The following ZDHHC15 variants were observed in gnomAD, a reference collection of about 807,000 sequenced individuals.
The protein encoded by ZDHHC15 is palmitoyltransferase ZDHHC15.
A neutral mutation model predicts 31.7 loss-of-function variants in ZDHHC15; 19 were observed. The observed-to-expected ratio is 0.60, with a 90% confidence interval of 0.42 to 0.88. The LOEUF (loss-of-function observed/expected upper bound fraction) is 0.88. ZDHHC15 is among the 40% of genes least tolerant of loss of function. The pLI is 0.00. For missense variants in ZDHHC15, 209 were observed against 251.2 expected (o/e 0.83, Z 1.14); for synonymous variants, 103 against 90.0 (o/e 1.14, Z -0.82).
At chrX:75,472,227 A>T (rs1229411297) in intron 3 of ZDHHC15, among the ~76,000 whole-genome samples, 2 of 111,455 alleles carry the variant, frequency 1.8e-5, no homozygotes, top group Non-Finnish European at 3.8e-5. Flanking sequence ...ACTATGATCA[A>T]TTGACAGAGG....
intron 9 of ZDHHC15, among the ~76,000 whole-genome samples, chrX:75,420,846 C>T (rs1427081350): frequency 2.7e-5 from 3 of 110,051 alleles, no homozygotes; most frequent in Non-Finnish European, 5.7e-5. Flanking sequence ...GGAGAAATAC[C>T]TAATGTAGAT....
intron 2 of ZDHHC15, among the ~76,000 whole-genome samples, chrX:75,500,646 A>T (rs1161479881): frequency 3.6e-5 from 4 of 110,244 alleles, no homozygotes; most frequent in African/African-American, 1.3e-4. Flanking sequence ...ATATTTTTGT[A>T]ACAAAAATAT....
chrX:75,522,007 A>G (rs2085449155), intron 1 of ZDHHC15, among the ~76,000 whole-genome samples: 1 of 111,454 alleles, frequency 9.0e-6, no homozygotes, highest in Non-Finnish European at 1.9e-5. Flanking sequence ...CACTATCATC[A>G]TGTGACAATA....
intron 3 of ZDHHC15, among the ~76,000 whole-genome samples, chrX:75,455,984 C>T (rs1165101443): frequency 9.0e-6 from 1 of 111,112 alleles, no homozygotes; most frequent in African/African-American, 3.3e-5. Flanking sequence ...AGCATTTGAC[C>T]CAGCCATCCC....
At chrX:75,390,156 G>A (rs2083225787) in intron 10 of ZDHHC15, among the ~76,000 whole-genome samples, 1 of 111,962 alleles carries the variant, frequency 8.9e-6, no homozygotes, top group Non-Finnish European at 1.9e-5. Context: ...AGAGTGAAAA[G>A]GACTTTGTCT....
intron 2 of ZDHHC15, among the ~76,000 whole-genome samples, chrX:75,497,811 T>C (rs1052676645): frequency 2.7e-5 from 3 of 110,942 alleles, no homozygotes; most frequent in African/African-American, 9.9e-5. Flanking sequence ...AAAATCAGCA[T>C]AGAAGGGATA....
chrX:75,449,478 T>C (rs1292201282), intron 4 of ZDHHC15, among the ~76,000 whole-genome samples: 1 of 111,524 alleles, frequency 9.0e-6, no homozygotes, highest in Non-Finnish European at 1.9e-5. Context: ...TCATTTTTGT[T>C]TCACCTATCT....
At chrX:75,489,489 G>C (rs1428859709) in intron 2 of ZDHHC15, among the ~76,000 whole-genome samples, 1 of 112,134 alleles carries the variant, frequency 8.9e-6, no homozygotes, top group African/African-American at 3.2e-5. Context: ...AGGGTCTAGA[G>C]TGGACCTCCT....
chrX:75,423,572 A>G (rs964808366), intron 8 of ZDHHC15, among the ~76,000 whole-genome samples: 46 of 99,226 alleles, frequency 4.6e-4, no homozygotes, highest in African/African-American at 1.6e-3. Flanking sequence ...TATATGTACC[A>G]CATTTTCTTT....
chrX:75,488,641 C>T (rs761984430), intron 2 of ZDHHC15, among the ~76,000 whole-genome samples: 2 of 112,148 alleles, frequency 1.8e-5, no homozygotes, highest in African/African-American at 3.2e-5. Context: ...TGAATAGGAA[C>T]AGCTCCAGTC....
chrX:75,507,370 T>G (rs983557658), intron 1 of ZDHHC15, among the ~76,000 whole-genome samples: 5 of 110,772 alleles, frequency 4.5e-5, no homozygotes, highest in Non-Finnish European at 7.6e-5. Flanking sequence ...TTTTTTTTTT[T>G]GCAAACTTCC....
rs144915914 is a variant in ZDHHC15, at chrX:75,507,088, A to G, written c.137-1241T>C. Among the ~76,000 whole-genome samples, 886 of 111,731 alleles carry G rather than the reference A, an allele frequency of 7.9e-3. 11 individuals carry two copies. The highest frequency in any genetic ancestry group is 0.026 in the African/African-American group (815 of 30,843). Reference sequence around the variant, plus strand: ...AAATAACTGCAGAACTTTTAAGTGCAAATGGGATTGGTTTATATGACCCAA... The same window carrying G: ...AAATAACTGCAGAACTTTTAAGTGCGAATGGGATTGGTTTATATGACCCAA... On this transcript the variant is annotated intron_variant, in intron 1 of 11. Coordinates refer to ENST00000373367, the MANE Select transcript of ZDHHC15 (RefSeq NM_144969.3).
At position 75,521,075 on chromosome X, in the gene ZDHHC15, T is replaced by G. The variant is rs774275372; in HGVS notation, c.136+1814A>C. Among the ~76,000 whole-genome samples the G allele has an allele frequency of 1.5e-4, 17 of 110,382 alleles. 1 individual carries two copies. The South Asian group carries it at 6.8e-3, about 44-fold the overall frequency. The stretch of plus-strand genomic sequence containing the variant: ...AAAAAAGCAGCATCCTTACCATCAT[T>G]TTTAAGGTGAGAAGAGTTTGGTATG... On this transcript the variant is annotated intron_variant, in intron 1 of 11. Coordinates refer to ENST00000373367, the MANE Select transcript of ZDHHC15 (RefSeq NM_144969.3).
chrX:75,522,582 C>G (rs1441578031), intron 1 of ZDHHC15, among the ~76,000 whole-genome samples: 2 of 110,922 alleles, frequency 1.8e-5, no homozygotes, highest in Non-Finnish European at 3.8e-5. Context: ...AAGGAGAGCA[C>G]AAGGTGCAGA....
intron 4 of ZDHHC15, among the ~76,000 whole-genome samples, chrX:75,440,732 G>T (rs925578416): frequency 4.5e-5 from 5 of 111,775 alleles, no homozygotes; most frequent in Non-Finnish European, 9.4e-5. Flanking sequence ...CAGGCAATGG[G>T]CAGGGACATA....
intron 2 of ZDHHC15, among the ~76,000 whole-genome samples, chrX:75,482,483 G>A (rs2084706620): frequency 9.0e-6 from 1 of 111,149 alleles, no homozygotes; most frequent in South Asian, 3.8e-4. Context: ...AAAAGTTAGG[G>A]TTGTCTTCCA....
At chrX:75,395,475 T>C (rs2083289660) in intron 10 of ZDHHC15, among the ~76,000 whole-genome samples, 1 of 111,034 alleles carries the variant, frequency 9.0e-6, no homozygotes, top group South Asian at 3.8e-4. Flanking sequence ...AAAATACCCA[T>C]AAATTAGCTT....
intron 3 of ZDHHC15, among the ~76,000 whole-genome samples, chrX:75,459,047 C>A (rs941496521): frequency 2.8e-5 from 3 of 106,603 alleles, no homozygotes; most frequent in Non-Finnish European, 3.9e-5. Context: ...AATGATTGTG[C>A]CACCCTGCTC....
chrX:75,384,607 A>G, intron 10 of ZDHHC15: 2 of 826,482 alleles, frequency 2.4e-6, no homozygotes, highest in South Asian at 4.2e-5. Context: ...TCTTGCCAAG[A>G]GAATTAATGT....
Sources: gnomAD v4.1 joint callset for allele counts (sites outside exome capture counted in the v4.1 genomes callset) on GRCh38, gnomAD v4.1.1 for gene constraint, MANE v1.5 for transcripts, NCBI Gene and HGNC (gene_info 2026-07-23, HGNC 2026-07-21) for gene names.